Variants in FYN observed in about 807,000 individuals in gnomAD.
FYN encodes FYN proto-oncogene, Src family tyrosine kinase, also known as tyrosine-protein kinase Fyn.
FYN carries 10 observed loss-of-function variants against 70.2 expected under a neutral mutation model. The ratio of observed to expected loss-of-function variants is 0.14; its 90% confidence interval spans 0.09 to 0.24. The LOEUF is 0.24. FYN is among the 10% of genes least tolerant of loss of function. The pLI is 1.00. For synonymous variants in FYN, 236 were observed against 248.6 expected, an observed-to-expected ratio of 0.95 and a Z score of 0.48; for missense variants, 319 against 673.1, an observed-to-expected ratio of 0.47 and a Z score of 5.82.
chr6:111,755,395 A>G (rs1434389520), intron 3 of FYN, among the ~76,000 whole-genome samples: 1 of 152,174 alleles, frequency 6.6e-6, no homozygotes. Context: ...TTATAAAGCA[A>G]ATCATCAGAA....
intron 2 of FYN, among the ~76,000 whole-genome samples, chr6:111,826,193 G>GT (rs1330291884): frequency 6.6e-6 from 1 of 152,086 alleles, no homozygotes; most frequent in Non-Finnish European, 1.5e-5. Flanking sequence ...GCATTTCGGT[G>GT]TTTCAGTTTT....
chr6:111,826,112 A>T (rs1772826538), intron 2 of FYN, among the ~76,000 whole-genome samples: 1 of 152,148 alleles, frequency 6.6e-6, no homozygotes, highest in Non-Finnish European at 1.5e-5. Context: ...TACAGGGAGG[A>T]GTGAAGACGC....
intron 3 of FYN, among the ~76,000 whole-genome samples, chr6:111,767,241 A>G (rs757096690): frequency 5.3e-5 from 8 of 152,210 alleles, no homozygotes; most frequent in Non-Finnish European, 1.0e-4. Context: ...TTGAAAAACA[A>G]GAGTAAAAAT....
At chr6:111,697,028 G>A (rs1583321467) in intron 9 of FYN, among the ~76,000 whole-genome samples, 1 of 152,234 alleles carries the variant, frequency 6.6e-6, no homozygotes, top group East Asian at 1.9e-4. Flanking sequence ...CTCACAGTCT[G>A]CTTGCCAATA....
chr6:111,759,724 G>A (rs1802917514), intron 3 of FYN: 2 of 152,182 alleles, frequency 1.3e-5, no homozygotes, highest in African/African-American at 4.8e-5. Context: ...TAAACTCACT[G>A]TTGTATGTCT....
At chr6:111,777,334 T>G (rs1338031405) in intron 3 of FYN, among the ~76,000 whole-genome samples, 1 of 151,596 alleles carries the variant, frequency 6.6e-6, no homozygotes, top group African/African-American at 2.4e-5. Context: ...TATATTTACA[T>G]AAATCAAATG....
intron 5 of FYN, among the ~76,000 whole-genome samples, chr6:111,713,153 G>C (rs1024494638): frequency 2.0e-5 from 3 of 152,152 alleles, no homozygotes; most frequent in Non-Finnish European, 1.5e-5. Context: ...TTCAGTTCTT[G>C]CTGTTGAAAG....
rs567791222 is a variant in FYN, at chr6:111,840,022, G to A, written c.-82+6567C>T. 1.4e-4 allele frequency among the ~76,000 whole-genome samples: 22 copies of A among 152,252 alleles called. No individual in the cohort carries two copies. In the South Asian group the frequency reaches 1.9e-3, roughly 13 times the overall value. On this transcript the variant is annotated intron_variant, in intron 2 of 13. Coordinates refer to ENST00000354650, the MANE Select transcript of FYN (RefSeq NM_002037.5). ...CCTCAATCTGAGAAAGAAGACAGGC[G>A]TGGCCTTGCCCGCTCTGGGGACTGG...
intron 12 of FYN, among the ~76,000 whole-genome samples, chr6:111,677,530 GCA>G (rs1185052278): frequency 6.6e-6 from 1 of 152,178 alleles, no homozygotes; most frequent in Non-Finnish European, 1.5e-5. Flanking sequence ...CTTGCAGGTT[GCA>G]CAGTGTAAAA....
chr6:111,801,320 C>T (rs1330380638), intron 2 of FYN, among the ~76,000 whole-genome samples: 1 of 152,150 alleles, frequency 6.6e-6, no homozygotes, highest in Non-Finnish European at 1.5e-5. Context: ...CAAGGTAAAC[C>T]ATGGCCATCA....
chr6:111,691,848 G>T (rs946662638), intron 12 of FYN, among the ~76,000 whole-genome samples: 2 of 152,236 alleles, frequency 1.3e-5, no homozygotes, highest in African/African-American at 2.4e-5. Flanking sequence ...AATGGTAGAT[G>T]CAACAGGGTC....
At chr6:111,710,875 G>T (rs1216959322) in intron 5 of FYN, among the ~76,000 whole-genome samples, 4 of 152,072 alleles carry the variant, frequency 2.6e-5, no homozygotes, top group Non-Finnish European at 4.4e-5. Context: ...TTCTTTAAAC[G>T]GTTCTTATAG....
chr6:111,863,834 C>T (rs1183520333), intron 1 of FYN, among the ~76,000 whole-genome samples: 4 of 152,174 alleles, frequency 2.6e-5, no homozygotes, highest in African/African-American at 4.8e-5. Context: ...TCTCAAGCTT[C>T]GGCACTCTCT....
At chr6:111,685,078 A>T (rs1798939251) in intron 12 of FYN, among the ~76,000 whole-genome samples, 1 of 152,262 alleles carries the variant, frequency 6.6e-6, no homozygotes, top group African/African-American at 2.4e-5. Context: ...CAACAGCATA[A>T]ACGCTATGTT....
chr6:111,760,964 C>T (rs538816944), intron 3 of FYN, among the ~76,000 whole-genome samples: 18 of 152,242 alleles, frequency 1.2e-4, no homozygotes, highest in Non-Finnish European at 1.5e-5. Flanking sequence ...CAGAGGGATC[C>T]CCTAAGGTGC....
At chr6:111,692,110 C>CCG (rs1554275097) in intron 12 of FYN, among the ~76,000 whole-genome samples, 1 of 149,684 alleles carries the variant, frequency 6.7e-6, no homozygotes, top group Admixed American at 6.7e-5. Context: ...TTCCCCCCCC[C>CCG]CCAGTTCAGC....
chr6:111,708,695 T>C (rs1205617777), intron 5 of FYN, among the ~76,000 whole-genome samples: 1 of 152,136 alleles, frequency 6.6e-6, no homozygotes, highest in Non-Finnish European at 1.5e-5. Context: ...CTGAGGCTCA[T>C]GGGCAAGGGG....
intron 12 of FYN, among the ~76,000 whole-genome samples, chr6:111,687,854 A>G (rs1019601600): frequency 6.6e-5 from 10 of 152,196 alleles, no homozygotes; most frequent in African/African-American, 2.2e-4. Flanking sequence ...AAAAGCTCAG[A>G]CAGGTTAAGC....
intron 2 of FYN, among the ~76,000 whole-genome samples, chr6:111,821,825 G>A (rs570976468): frequency 6.6e-6 from 1 of 152,260 alleles, no homozygotes; most frequent in East Asian, 1.9e-4. Context: ...CGAAGGATAT[G>A]AACAGACACT....
Sources: gnomAD v4.1 joint callset for allele counts (sites outside exome capture counted in the v4.1 genomes callset) on GRCh38, gnomAD v4.1.1 for gene constraint, MANE v1.5 for transcripts, NCBI Gene and HGNC (gene_info 2026-07-23, HGNC 2026-07-21) for gene names.